DNMT1: variants seen among roughly 807,000 people sequenced by gnomAD.
DNMT1 encodes DNA (cytosine-5)-methyltransferase 1.
DNMT1 carries 24 observed loss-of-function variants against 205.3 expected under a neutral mutation model. The ratio of observed to expected loss-of-function variants is 0.12; its 90% CI spans 0.08 to 0.16. The LOEUF (loss-of-function observed/expected upper bound fraction) is 0.16. Ranked by LOEUF, DNMT1 falls within the 10% of genes least tolerant of loss-of-function variation. DNMT1 has a pLI of 1.00. For missense variants in DNMT1, 1,293 were observed against 2,177.7 expected, an observed-to-expected ratio of 0.59 and a Z score of 8.09; for synonymous variants, 817 against 839.8, an observed-to-expected ratio of 0.97 and a Z score of 0.47.
chr19:10,164,008 C>T, intron 11 of DNMT1, among the ~76,000 whole-genome samples: 1 of 152,176 alleles, frequency 6.6e-6, no homozygotes, highest in East Asian at 1.9e-4. Flanking sequence ...CTCCTGTCTT[C>T]ACTGCAGGAA....
In DNMT1 at chr19:10,140,837, C is replaced by T. The variant is rs767421908; in HGVS notation, c.3467G>A (p.Arg1156Gln). The T allele has an allele frequency of 3.7e-6, 6 of 1,614,164 alleles. No individual in the cohort carries two copies. Among genetic ancestry groups the T allele is most frequent in the Non-Finnish European group, 5.1e-6 (6 of 1,180,044 alleles). ...GCAGCCAGAAAACACATCCAGGGTC[C>T]GCAGCTTGGGCAGCTTGATCTCTAT... ...PEIEIKLPKL[R>Q]TLDVFSGCGG... Residue 1156 changes from arginine to glutamine, a missense_variant, in exon 32 of 41, where the codon CGG (arginine) becomes CAG (glutamine). By Grantham distance (43) the Arg-to-Gln change is conservative. This residue lies in a region of DNMT1 where 26 missense variants were observed against 86.5 expected (regional missense o/e 0.30). Transcript: ENST00000359526. The surrounding 1 kb of genome is among the most constrained non-coding windows in gnomAD (Gnocchi z 8.4).
intron 9 of DNMT1, 84 bp downstream of exon 9, chr19:10,173,006 C>T: frequency 1.3e-6 from 2 of 1,513,562 alleles, no homozygotes; most frequent in Non-Finnish European, 1.8e-6. Flanking sequence ...CGTTCCCCAC[C>T]CCCTGTCCCC....
chr19:10,180,820 T>A lies in DNMT1; in HGVS notation c.183A>T (p.Leu61Phe). 6.2e-7 allele frequency: 1 copy of A among 1,614,192 alleles called. No individual in the cohort carries two copies. Among genetic ancestry groups the A allele is most frequent in the Non-Finnish European group, 8.5e-7 (1 of 1,180,034 alleles). ...EFLQTEIKNQ[L>F]CDLETKLRKE... is the part of the protein sequence containing the mutation. The stretch of plus-strand genomic sequence containing the variant: ...TACGTAATTTGGTTTCCAAGTCACA[T>A]AACTGATTCTTTATTTCTGTTTGCA... The change falls in exon 3 of 41, where the codon TTA (leucine) becomes TTT (phenylalanine). Residue 61 changes from leucine to phenylalanine, a missense_variant. Coordinates refer to ENST00000359526, the MANE Select transcript of DNMT1 (RefSeq NM_001130823.3).
In DNMT1 at chr19:10,173,181, A is replaced by T; in HGVS notation, c.684-7T>A. On this transcript the variant is annotated splice_polypyrimidine_tract_variant and splice_region_variant and intron_variant, in intron 8 of 40. Transcript: ENST00000359526. ...AGGAAGCGGTCTAGCAACTCTGTCA[A>T]GCAAAATAACACAGACCCCAAGTGT... 6.2e-7 allele frequency: 1 copy of T among 1,614,158 alleles called. No homozygotes were observed. The highest frequency in any genetic ancestry group is 8.5e-7 in the Non-Finnish European group (1 of 1,180,036).
At chr19:10,183,018 T>C (rs530401252) in intron 1 of DNMT1, among the ~76,000 whole-genome samples, 4 of 150,610 alleles carry the variant, frequency 2.7e-5, no homozygotes, top group Non-Finnish European at 5.9e-5. Context: ...TATATATACA[T>C]ATATATGTGT....
rs1479939571 is a variant in DNMT1, at chr19:10,183,249, G to A, written c.81-1172C>T. 4.6e-5 allele frequency among the ~76,000 whole-genome samples: 7 copies of A among 151,504 alleles called. No individual in the cohort carries two copies. The East Asian group carries it at 1.2e-3, about 26-fold the overall frequency. On this transcript the variant is annotated intron_variant, in intron 1 of 40. Transcript: ENST00000359526. ...TCCTGGCTCAGCCTCCCGAGTAGCT[G>A]GGATTACAGGCATGCACCACCACAC...
chr19:10,155,623 G>A lies in DNMT1; in HGVS notation c.1492+230C>T, dbSNP rs139671702. ...CTCCCAAAGTGCTGGGATTACAGGT[G>A]TGAGCCACCATATCCGGCCAAGACC... is the stretch of plus-strand genomic sequence containing the variant. On this transcript the variant is annotated intron_variant, in intron 19 of 40. Coordinates refer to ENST00000359526, the MANE Select transcript of DNMT1 (RefSeq NM_001130823.3). Among the ~76,000 whole-genome samples the A allele has an allele frequency of 4.3e-4, 65 of 152,180 alleles. 1 individual carries two copies. Among genetic ancestry groups the A allele is most frequent in the East Asian group, 4.1e-3 (21 of 5,172 alleles).
In DNMT1 at chr19:10,184,007, T is replaced by C. The variant is rs1012553377; in HGVS notation, c.81-1930A>G. On this transcript the variant is annotated intron_variant, in intron 1 of 40. Coordinates refer to ENST00000359526, the MANE Select transcript of DNMT1 (RefSeq NM_001130823.3). ...AGGTCGAGGCCACAGTGAGCCGTGA[T>C]TGCATCACTGCACTCCAATCTAGGA... is the stretch of plus-strand genomic sequence containing the variant. 5.9e-5 allele frequency among the ~76,000 whole-genome samples: 9 copies of C among 152,278 alleles called. No individual in the cohort carries two copies. In the East Asian group the frequency reaches 1.2e-3, roughly 20 times the overall value.
At chr19:10,194,780 C>T in intron 1 of DNMT1, 40 bp downstream of exon 1, 1 of 1,589,594 alleles carries the variant, frequency 6.3e-7, no homozygotes, top group Non-Finnish European at 8.5e-7. Context: ...CAGCGCCCTG[C>T]CTGTCCCCCT....
chr19:10,144,629 C>T (rs2089664316), intron 28 of DNMT1: 1 of 158,134 alleles, frequency 6.3e-6, no homozygotes, highest in Non-Finnish European at 1.4e-5. Context: ...TGTGCTTTCC[C>T]TTGGGCTCAA....
intron 1 of DNMT1, among the ~76,000 whole-genome samples, chr19:10,192,666 G>A (rs929028288): frequency 6.6e-6 from 1 of 152,172 alleles, no homozygotes; most frequent in African/African-American, 2.4e-5. Context: ...GTAACATCAT[G>A]AAGCCAGGCA....
At chr19:10,194,040 A>G (rs956252634) in intron 1 of DNMT1, among the ~76,000 whole-genome samples, 1 of 152,186 alleles carries the variant, frequency 6.6e-6, no homozygotes, top group Non-Finnish European at 1.5e-5. Context: ...ACACACAAAC[A>G]CACACGAAAG....
In DNMT1 at chr19:10,151,901, T is replaced by C. The variant is rs111409056; in HGVS notation, c.2020-54A>G. ...AGGGCTGGGCACAGTGGTTCATGCC[T>C]GTAATCCCAGTATTTCAGAAGGCCG... On this transcript the variant is annotated intron_variant, in intron 22 of 40. Coordinates refer to ENST00000359526, the MANE Select transcript of DNMT1 (RefSeq NM_001130823.3). This position sits in a 1 kb window ranked among gnomAD's most constrained non-coding sequence, Gnocchi z 5.0. 6.6e-5 allele frequency: 102 copies of C among 1,550,316 alleles called. 3 individuals are homozygous for C. The African/African-American group carries it at 6.9e-4, about 11-fold the overall frequency.
intron 10 of DNMT1, among the ~76,000 whole-genome samples, chr19:10,167,635 AC>A (rs1240258448): frequency 6.6e-6 from 1 of 152,158 alleles, no homozygotes; most frequent in Non-Finnish European, 1.5e-5. Flanking sequence ...CCACTAAGCC[AC>A]CTCAAGATCA....
At chr19:10,188,744 G>A (rs114131031) in intron 1 of DNMT1, among the ~76,000 whole-genome samples, 2,353 of 152,278 alleles carry the variant, frequency 0.015, 68 homozygotes, top group African/African-American at 0.054. Context: ...TGCAGAGAGC[G>A]GGCAACGTTG....
At chr19:10,157,717 C>G (rs1395013803) in intron 17 of DNMT1, among the ~76,000 whole-genome samples, 1 of 152,240 alleles carries the variant, frequency 6.6e-6, no homozygotes, top group Non-Finnish European at 1.5e-5. Context: ...GCGTACCAGG[C>G]ATGGCAGACA....
rs1599335341 is a variant in DNMT1 at position 10,133,444 on chromosome 19, C to T, written c.*223G>A. On this transcript the variant is annotated 3_prime_UTR_variant, in exon 41 of 41. Transcript: ENST00000359526. The surrounding 1 kb of genome is among the most constrained non-coding windows in gnomAD (Gnocchi z 4.1). Reference sequence around the variant, plus strand: ...ATACAGTGGTAGATTTGATATAATGCATAATAAAAAACTTTTAAAATCCAG... The same window carrying T: ...ATACAGTGGTAGATTTGATATAATGTATAATAAAAAACTTTTAAAATCCAG... 2 of 592,046 alleles carry T rather than the reference C, an allele frequency of 3.4e-6. No individual in the cohort carries two copies. Among genetic ancestry groups the T allele is most frequent in the East Asian group, 5.5e-5 (2 of 36,042 alleles). The allele number at this position is 592,046 out of a possible 1,614,324, so 36.7% of individuals were successfully genotyped here. A position where few individuals can be genotyped will look rare whatever the true frequency, so the allele number is the denominator to read the frequency against.
Position 10,138,287 on chromosome 19 carries a change from G to GGTGGCAGAGTGCCAT in DNMT1, c.4115+137_4115+151dup, listed in dbSNP as rs1409412015. The GGTGGCAGAGTGCCAT allele has an allele frequency of 7.3e-5, 91 of 1,254,326 alleles. No homozygotes were observed. Among genetic ancestry groups the GGTGGCAGAGTGCCAT allele is most frequent in the Admixed American group, 5.9e-5 (3 of 51,050 alleles). The allele number at this position is 1,254,326 out of a possible 1,614,324, so 77.7% of individuals were successfully genotyped here. A position where few individuals can be genotyped will look rare whatever the true frequency, so the allele number is the denominator to read the frequency against. On this transcript the variant is annotated intron_variant, in intron 35 of 40. Coordinates refer to ENST00000359526, the MANE Select transcript of DNMT1 (RefSeq NM_001130823.3). This position sits in a 1 kb window ranked among gnomAD's most constrained non-coding sequence, Gnocchi z 4.1. ...TGCAGGGTCAGAACTGGAGACCACAGGTGGCAGAGTGCCATGTGGCAGAGC... is the reference window on the plus strand; with the variant it reads ...TGCAGGGTCAGAACTGGAGACCACAGGTGGCAGAGTGCCATGTGGCAGAGTGCCATGTGGCAGAGC...
At position 10,146,618 on chromosome 19, in the gene DNMT1, C is replaced by A; in HGVS notation, c.2721-94G>T. The stretch of plus-strand genomic sequence containing the variant: ...CAGCTTAATCCAGAGACTCTGGTAA[C>A]CAAGAGGAAAAAACATTTGCAGATG... On this transcript the variant is annotated intron_variant, in intron 27 of 40. Coordinates refer to ENST00000359526, the MANE Select transcript of DNMT1 (RefSeq NM_001130823.3). The surrounding 1 kb of genome is among the most constrained non-coding windows in gnomAD (Gnocchi z 4.4). 3 of 1,518,848 alleles carry A rather than the reference C, an allele frequency of 2.0e-6. No individual in the cohort carries two copies. Among genetic ancestry groups the A allele is most frequent in the Admixed American group, 3.8e-5 (2 of 53,078 alleles). The allele number at this position is 1,518,848 out of a possible 1,614,324, so 94.1% of individuals were successfully genotyped here.
Sources: gnomAD v4.1 joint callset for allele counts (sites outside exome capture counted in the v4.1 genomes callset) on GRCh38, gnomAD v4.1.1 for gene constraint, gnomAD v4.1.1 regional missense constraint, Gnocchi (gnomAD v3.1) non-coding constraint, MANE v1.5 for transcripts, NCBI Gene and HGNC (gene_info 2026-07-23, HGNC 2026-07-21) for gene names.